Variants in ECPAS observed in about 807,000 individuals in gnomAD.
ECPAS encodes the protein proteasome adapter and scaffold protein ECM29.
ECPAS carries 70 observed loss-of-function variants against 255.1 expected under a neutral mutation model. That is an observed-to-expected ratio of 0.27 (90% CI 0.23 to 0.33). The LOEUF is 0.33. ECPAS is among the 10% of genes least tolerant of loss of function. ECPAS has a pLI of 1.00. For synonymous variants in ECPAS, 784 were observed against 775.0 expected (o/e 1.01, Z -0.19); for missense variants, 1,817 against 2,206.4 (o/e 0.82, Z 3.54).
chr9:111,411,230 A>C, intron 21 of ECPAS, 88 bp from the exon 22 acceptor site: 1 of 1,314,794 alleles, frequency 7.6e-7, no homozygotes, highest in Admixed American at 1.9e-5. Context: ...GATTAGGATC[A>C]TCTCTCCAAC....
intron 41 of ECPAS, 46 bp downstream of exon 41, chr9:111,373,121 CTGT>C (rs768942423): frequency 4.4e-6 from 6 of 1,372,854 alleles, no homozygotes; most frequent in Non-Finnish European, 6.2e-6. Flanking sequence ...TTTTACTGGG[CTGT>C]TAACATCTAA....
At chr9:111,430,436 G>C in intron 9 of ECPAS, 111 bp downstream of exon 9, 1 of 732,932 alleles carries the variant, frequency 1.4e-6, no homozygotes. Context: ...CTAGCATTTT[G>C]TTATAGCACA....
At chr9:111,472,848 T>C in intron 2 of ECPAS, 49 bp downstream of exon 2, 1 of 604,894 alleles carries the variant, frequency 1.7e-6, no homozygotes, top group Admixed American at 4.4e-5. Flanking sequence ...CATTTTTAAA[T>C]GCTGCTACAA....
intron 36 of ECPAS, among the ~76,000 whole-genome samples, chr9:111,378,151 A>C (rs2098135747): frequency 6.6e-6 from 1 of 151,738 alleles, no homozygotes; most frequent in Admixed American, 6.6e-5. Context: ...GTCTCCAAAA[A>C]AATAAAAATA....
At chr9:111,480,199 T>C (rs2098302434) in intron 1 of ECPAS, among the ~76,000 whole-genome samples, 1 of 151,984 alleles carries the variant, frequency 6.6e-6, no homozygotes, top group Admixed American at 6.6e-5. Flanking sequence ...ATCTAGTAGT[T>C]TGCTTTTACT....
chr9:111,456,456 TA>T (rs1160463037), intron 2 of ECPAS, among the ~76,000 whole-genome samples: 2 of 152,242 alleles, frequency 1.3e-5, no homozygotes, highest in East Asian at 1.9e-4. Flanking sequence ...AGAATGACCC[TA>T]TTTTCTATCA....
At chr9:111,439,823 G>T (rs759894355) in intron 6 of ECPAS, among the ~76,000 whole-genome samples, 1 of 151,836 alleles carries the variant, frequency 6.6e-6, no homozygotes, top group South Asian at 2.1e-4. Context: ...AAGTGGAGCC[G>T]CTGGGAAAGA....
chr9:111,448,821 T>A (rs1445504779), intron 3 of ECPAS, among the ~76,000 whole-genome samples: 14 of 152,178 alleles, frequency 9.2e-5, no homozygotes, highest in Non-Finnish European at 1.9e-4. Context: ...AACACTCTTA[T>A]AAATAAGTCA....
intron 1 of ECPAS, among the ~76,000 whole-genome samples, chr9:111,473,722 TC>T (rs1417390573): frequency 1.3e-5 from 2 of 152,162 alleles, no homozygotes; most frequent in Non-Finnish European, 2.9e-5. Flanking sequence ...ATCCCAGCAC[TC>T]TGAGAGGCCG....
At chr9:111,460,406 T>A (rs1342701803) in intron 2 of ECPAS, among the ~76,000 whole-genome samples, 3 of 152,204 alleles carry the variant, frequency 2.0e-5, no homozygotes, top group African/African-American at 7.2e-5. Flanking sequence ...CCAAACACTT[T>A]TCCTCTGAGT....
intron 24 of ECPAS, among the ~76,000 whole-genome samples, chr9:111,402,510 A>G (rs1233976344): frequency 6.6e-6 from 1 of 152,218 alleles, no homozygotes; most frequent in Non-Finnish European, 1.5e-5. Context: ...GAGTATTAAG[A>G]GTATCTTTGT....
At chr9:111,477,849 T>C (rs542653941) in intron 1 of ECPAS, among the ~76,000 whole-genome samples, 1 of 151,818 alleles carries the variant, frequency 6.6e-6, no homozygotes, top group Non-Finnish European at 1.5e-5. Context: ...GGATAACAAA[T>C]GCTAACAATA....
Position 111,370,366 on chromosome 9 carries a change from G to C in ECPAS, c.4974+69C>G. 8 of 1,080,718 alleles carry C rather than the reference G, an allele frequency of 7.4e-6. No homozygotes were observed. In the South Asian group the frequency reaches 1.2e-4, roughly 16 times the overall value. 66.9% of individuals were successfully genotyped at this position (1,080,718 alleles called of 1,614,324 possible). ...AACTAATCCTAATAATCAGGACATAGGGGAAAACAATTTTTTAACTTTTTC... is the reference window on the plus strand; with the variant it reads ...AACTAATCCTAATAATCAGGACATACGGGAAAACAATTTTTTAACTTTTTC... On this transcript the variant is annotated intron_variant, in intron 45 of 49. Coordinates refer to ENST00000684092, the MANE Select transcript of ECPAS (RefSeq NM_001364929.1).
intron 24 of ECPAS, among the ~76,000 whole-genome samples, chr9:111,400,421 A>C (rs979130227): frequency 6.6e-5 from 10 of 152,216 alleles, no homozygotes; most frequent in Admixed American, 6.5e-4. Flanking sequence ...CATTCACCCT[A>C]AACAAACAGA....
At chr9:111,375,009 T>A (rs932884941) in intron 38 of ECPAS, 104 bp downstream of exon 38, 14 of 817,462 alleles carry the variant, frequency 1.7e-5, no homozygotes, top group African/African-American at 1.5e-4. Context: ...GTGTATAATA[T>A]TAGATTTTGT....
intron 4 of ECPAS, 33 bp downstream of exon 4, chr9:111,444,345 G>C (rs2098250019): frequency 1.4e-6 from 2 of 1,473,684 alleles, no homozygotes; most frequent in Non-Finnish European, 1.9e-6. Flanking sequence ...AAAATTTGCT[G>C]TAAGTCAGAA....
chr9:111,449,991 CA>C (rs2098258174), intron 3 of ECPAS, among the ~76,000 whole-genome samples: 2 of 152,168 alleles, frequency 1.3e-5, no homozygotes, highest in African/African-American at 4.8e-5. Context: ...TTATACCCCA[CA>C]CTTAGTCTAA....
intron 20 of ECPAS, among the ~76,000 whole-genome samples, chr9:111,413,396 A>C (rs2098197913): frequency 6.6e-6 from 1 of 152,202 alleles, no homozygotes; most frequent in Admixed American, 6.5e-5. Context: ...AACAGTATGA[A>C]TAGTATGCTG....
intron 41 of ECPAS, 139 bp downstream of exon 41, chr9:111,373,031 C>CAA: frequency 1.3e-6 from 1 of 776,126 alleles, no homozygotes; most frequent in Non-Finnish European, 2.1e-6. Flanking sequence ...GACACCATCT[C>CAA]AAAAAAAAAG....
Sources: gnomAD v4.1 joint callset for allele counts (sites outside exome capture counted in the v4.1 genomes callset) on GRCh38, gnomAD v4.1.1 for gene constraint, MANE v1.5 for transcripts, NCBI Gene and HGNC (gene_info 2026-07-23, HGNC 2026-07-21) for gene names.